The following EPB41L4A variants were observed in gnomAD, a reference collection of about 807,000 sequenced individuals.
EPB41L4A encodes the protein erythrocyte membrane protein band 4.1 like 4A.
In EPB41L4A, 100 loss-of-function variants were observed where a neutral mutation model predicts 108.6. The ratio of observed to expected loss-of-function variants is 0.92; its 90% CI spans 0.78 to 1.09. EPB41L4A has a LOEUF of 1.09. Ranked by LOEUF, EPB41L4A falls within the 50% of genes least tolerant of loss-of-function variation. The pLI is 0.00. For synonymous variants in EPB41L4A, 319 were observed against 289.0 expected (o/e 1.10, Z -1.05); for missense variants, 1,030 against 842.7 (o/e 1.22, Z -2.75).
intron 18 of EPB41L4A, among the ~76,000 whole-genome samples, chr5:112,176,796 C>T (rs1580371926): frequency 7.1e-6 from 1 of 139,944 alleles, no homozygotes; most frequent in South Asian, 2.3e-4. Context: ...CTCCTGTTGC[C>T]CAGGCTGAAG....
At position 112,413,837 on chromosome 5, in the gene EPB41L4A, T is replaced by C. The variant is rs192248466; in HGVS notation, c.99+5104A>G. ...AGTTTCTGCATACCTAGAGGGCAAGTCACTTGGACTGGCAGGGCTAGATCA... is the reference window on the plus strand; with the variant it reads ...AGTTTCTGCATACCTAGAGGGCAAGCCACTTGGACTGGCAGGGCTAGATCA... On this transcript the variant is annotated intron_variant, in intron 1 of 22. Coordinates refer to ENST00000261486, the MANE Select transcript of EPB41L4A (RefSeq NM_022140.5). Among the ~76,000 whole-genome samples the C allele has an allele frequency of 2.0e-5, 3 of 152,298 alleles. No individual in the cohort carries two copies. The East Asian group carries it at 5.8e-4, about 29-fold the overall frequency.
At chr5:112,277,392 A>T (rs575069867) in intron 3 of EPB41L4A, among the ~76,000 whole-genome samples, 1 of 152,318 alleles carries the variant, frequency 6.6e-6, no homozygotes, top group African/African-American at 2.4e-5. Context: ...GTTTTGGCTA[A>T]TTTTCTCTAA....
At chr5:112,249,124 T>C (rs1232868297) in intron 9 of EPB41L4A, 1 of 152,176 alleles carries the variant, frequency 6.6e-6, no homozygotes, top group East Asian at 1.9e-4. Context: ...ATTATATAAG[T>C]ACCTGAAAGT....
intron 1 of EPB41L4A, among the ~76,000 whole-genome samples, chr5:112,383,686 A>G (rs1760311039): frequency 6.6e-6 from 1 of 152,226 alleles, no homozygotes; most frequent in South Asian, 2.1e-4. Flanking sequence ...AGCTTTTATA[A>G]ATTAATTGTA....
chr5:112,166,069 G>A (rs1760225370), intron 22 of EPB41L4A, among the ~76,000 whole-genome samples: 1 of 152,228 alleles, frequency 6.6e-6, no homozygotes, highest in Non-Finnish European at 1.5e-5. Flanking sequence ...GCTAGGAGAG[G>A]ACCTGAAATA....
chr5:112,298,711 C>T (rs1754171153), intron 2 of EPB41L4A, among the ~76,000 whole-genome samples: 1 of 152,120 alleles, frequency 6.6e-6, no homozygotes, highest in South Asian at 2.1e-4. Context: ...AGAATAATGT[C>T]AATATGATTG....
chr5:112,189,156 T>C (rs781235626), intron 17 of EPB41L4A, among the ~76,000 whole-genome samples: 2 of 152,250 alleles, frequency 1.3e-5, no homozygotes, highest in Non-Finnish European at 1.5e-5. Flanking sequence ...AAACTCATGT[T>C]AGAAAACACT....
chr5:112,273,581 G>A (rs1048834917), intron 4 of EPB41L4A, among the ~76,000 whole-genome samples: 4 of 152,094 alleles, frequency 2.6e-5, no homozygotes, highest in Non-Finnish European at 1.5e-5. Context: ...AACATAGTAC[G>A]AGACACGGAC....
At chr5:112,359,204 G>A (rs565610412) in intron 1 of EPB41L4A, among the ~76,000 whole-genome samples, 26 of 152,284 alleles carry the variant, frequency 1.7e-4, no homozygotes, top group African/African-American at 5.8e-4. Flanking sequence ...GTTCCTGAAA[G>A]ATATTATGTA....
chr5:112,370,536 G>A (rs1759426479), intron 1 of EPB41L4A, among the ~76,000 whole-genome samples: 1 of 152,024 alleles, frequency 6.6e-6, no homozygotes, highest in Non-Finnish European at 1.5e-5. Flanking sequence ...AACCAATCCA[G>A]TCATCAACTT....
chr5:112,327,156 T>C lies in EPB41L4A; in HGVS notation c.100-19666A>G, dbSNP rs1721828104. ...AAAACCCAGATATAAGCCCTGGCCT[T>C]CTAAGTGCATGGTCTTTCCTGGACA... On this transcript the variant is annotated intron_variant, in intron 1 of 22. Transcript: ENST00000261486. Among the ~76,000 whole-genome samples, 5 of 152,164 alleles carry C rather than the reference T, an allele frequency of 3.3e-5. No individual in the cohort carries two copies. The South Asian group carries it at 8.3e-4, about 25-fold the overall frequency.
chr5:112,247,888 C>G (rs956450146), intron 9 of EPB41L4A, among the ~76,000 whole-genome samples: 1 of 152,042 alleles, frequency 6.6e-6, no homozygotes, highest in Non-Finnish European at 1.5e-5. Flanking sequence ...CACAGGATAC[C>G]TAACTTTTAA....
rs73229363 is a variant in EPB41L4A at position 112,237,997 on chromosome 5, T to G, written c.965+1663A>C. On this transcript the variant is annotated intron_variant, in intron 11 of 22. Transcript: ENST00000261486. ...TATGCAAAATCCAATAACTTCCTAA[T>G]AATAATTCCCAGTAGCCACAACATT... Among the ~76,000 whole-genome samples, 224 of 152,294 alleles carry G rather than the reference T, an allele frequency of 1.5e-3. 2 individuals are homozygous for G. The highest frequency in any genetic ancestry group is 5.2e-3 in the African/African-American group (217 of 41,552).
chr5:112,298,190 T>C (rs1181822571), intron 2 of EPB41L4A, among the ~76,000 whole-genome samples: 1 of 152,148 alleles, frequency 6.6e-6, no homozygotes, highest in Non-Finnish European at 1.5e-5. Context: ...TGATGGAAAT[T>C]GTAATGAATT....
At chr5:112,396,742 A>C (rs1031157917) in intron 1 of EPB41L4A, among the ~76,000 whole-genome samples, 64 of 152,300 alleles carry the variant, frequency 4.2e-4, no homozygotes, top group African/African-American at 1.4e-3. Flanking sequence ...AGAAACAGAC[A>C]GACAGAGACA....
At chr5:112,332,566 A>T (rs1324731475) in intron 1 of EPB41L4A, among the ~76,000 whole-genome samples, 5 of 151,922 alleles carry the variant, frequency 3.3e-5, no homozygotes, top group Non-Finnish European at 5.9e-5. Flanking sequence ...TCAGTCTTCT[A>T]CTCCCCAACC....
chr5:112,179,177 A>G (rs1041549651), intron 18 of EPB41L4A, among the ~76,000 whole-genome samples: 11 of 152,110 alleles, frequency 7.2e-5, no homozygotes, highest in Non-Finnish European at 1.2e-4. Context: ...GAATATCTCA[A>G]TATCTGTCAA....
intron 2 of EPB41L4A, among the ~76,000 whole-genome samples, chr5:112,287,873 T>C (rs1172646779): frequency 5.9e-5 from 9 of 152,178 alleles, no homozygotes; most frequent in Admixed American, 5.9e-4. Context: ...ACTGTTGAAA[T>C]TGCTGATTGG....
At chr5:112,284,047 A>C (rs952196968) in intron 2 of EPB41L4A, among the ~76,000 whole-genome samples, 1 of 152,250 alleles carries the variant, frequency 6.6e-6, no homozygotes, top group Admixed American at 6.5e-5. Flanking sequence ...ATTTCCATGT[A>C]ATAACACAGA....
Sources: gnomAD v4.1 joint callset for allele counts (sites outside exome capture counted in the v4.1 genomes callset) on GRCh38, gnomAD v4.1.1 for gene constraint, MANE v1.5 for transcripts, NCBI Gene and HGNC (gene_info 2026-07-23, HGNC 2026-07-21) for gene names.